ITGA8: variants seen among roughly 807,000 people sequenced by gnomAD.
ITGA8 encodes the protein integrin subunit alpha 8, also known as integrin alpha-8.
Under a neutral mutation model 142.3 loss-of-function variants are expected in ITGA8, and 91 were observed. The observed-to-expected ratio is 0.64, with a 90% CI of 0.54 to 0.76. The LOEUF (loss-of-function observed/expected upper bound fraction) is 0.76. Ranked by LOEUF, ITGA8 falls within the 30% of genes least tolerant of loss-of-function variation. The pLI is 0.00. For synonymous variants in ITGA8, 505 were observed against 485.2 expected, an observed-to-expected ratio of 1.04 and a Z score of -0.54; for missense variants, 1,406 against 1,327.7, an observed-to-expected ratio of 1.06 and a Z score of -0.92.
intron 24 of ITGA8, among the ~76,000 whole-genome samples, chr10:15,573,535 G>A (rs547235882): frequency 1.3e-5 from 2 of 152,020 alleles, no homozygotes; most frequent in Non-Finnish European, 2.9e-5. Context: ...CAAGGCTCCT[G>A]AATCTGGGCC....
At chr10:15,605,249 A>C (rs1215059205) in intron 19 of ITGA8, among the ~76,000 whole-genome samples, 2 of 152,152 alleles carry the variant, frequency 1.3e-5, no homozygotes, top group African/African-American at 2.4e-5. Flanking sequence ...CAATTTTGTG[A>C]CACCTTCTGC....
intron 25 of ITGA8, among the ~76,000 whole-genome samples, chr10:15,565,604 T>C (rs2131576301): frequency 7.1e-6 from 1 of 140,060 alleles, no homozygotes; most frequent in East Asian, 2.1e-4. Context: ...TTTTTTTTTT[T>C]TTTGAGACAG....
At chr10:15,640,053 C>T (rs1228839161) in intron 13 of ITGA8, among the ~76,000 whole-genome samples, 1 of 152,180 alleles carries the variant, frequency 6.6e-6, no homozygotes, top group Non-Finnish European at 1.5e-5. Context: ...TGAGGACCTA[C>T]GTACAGGGCA....
At chr10:15,670,626 A>C (rs1469755676) in intron 8 of ITGA8, among the ~76,000 whole-genome samples, 1 of 152,232 alleles carries the variant, frequency 6.6e-6, no homozygotes, top group Non-Finnish European at 1.5e-5. Context: ...ATGTGATACC[A>C]TTCTTCCTTA....
chr10:15,593,086 G>GA (rs1832953150), intron 21 of ITGA8, among the ~76,000 whole-genome samples: 1 of 152,136 alleles, frequency 6.6e-6, no homozygotes. Flanking sequence ...TCTACAAATC[G>GA]AAAAATTCCT....
chr10:15,601,510 C>G (rs1467163932), intron 20 of ITGA8, among the ~76,000 whole-genome samples: 1 of 152,140 alleles, frequency 6.6e-6, no homozygotes, highest in Non-Finnish European at 1.5e-5. Context: ...GATGGTTGCA[C>G]TACCACGTAA....
intron 13 of ITGA8, among the ~76,000 whole-genome samples, chr10:15,621,660 G>C (rs1833493676): frequency 6.6e-6 from 1 of 152,120 alleles, no homozygotes; most frequent in South Asian, 2.1e-4. Context: ...CCCCTCCTAG[G>C]GAACGGTCAG....
intron 8 of ITGA8, among the ~76,000 whole-genome samples, chr10:15,666,878 A>G (rs1367411228): frequency 1.3e-5 from 2 of 152,200 alleles, no homozygotes; most frequent in African/African-American, 2.4e-5. Flanking sequence ...CCACTTGATC[A>G]TGGTGGATAA....
chr10:15,549,412 T>C (rs1049130392), intron 26 of ITGA8, among the ~76,000 whole-genome samples: 3 of 152,042 alleles, frequency 2.0e-5, no homozygotes, highest in Non-Finnish European at 2.9e-5. Flanking sequence ...GGTTTCACCA[T>C]GTTGGCCAGG....
intron 23 of ITGA8, among the ~76,000 whole-genome samples, chr10:15,582,454 T>G (rs1026083441): frequency 1.3e-5 from 2 of 152,222 alleles, no homozygotes; most frequent in Admixed American, 6.5e-5. Flanking sequence ...CATCAAACTT[T>G]TGCTTCTTGA....
intron 25 of ITGA8, among the ~76,000 whole-genome samples, chr10:15,560,319 G>A (rs1472817353): frequency 6.6e-6 from 1 of 152,138 alleles, no homozygotes; most frequent in African/African-American, 2.4e-5. Flanking sequence ...AATTACAGAT[G>A]TCCTTTTATG....
intron 2 of ITGA8, among the ~76,000 whole-genome samples, chr10:15,688,620 A>C (rs1216820787): frequency 6.6e-6 from 1 of 152,234 alleles, no homozygotes; most frequent in African/African-American, 2.4e-5. Context: ...AGCAACTCAA[A>C]TCCAACAGCA....
chr10:15,688,003 G>C lies in ITGA8; in HGVS notation c.379C>G (p.Pro127Ala), dbSNP rs1017501946. 6.2e-7 allele frequency: 1 copy of C among 1,613,230 alleles called. No individual in the cohort carries two copies. Among genetic ancestry groups the C allele is most frequent in the Non-Finnish European group, 8.5e-7 (1 of 1,179,330 alleles). The part of the protein sequence containing the change: ...RKIRVNGTKE[P>A]IEFKSNQWFG... ...CACTGATTGGATTTGAACTCGATAGGTTCTTTGGTTCCATTAACTCTGATC... is the reference window on the plus strand; with the variant it reads ...CACTGATTGGATTTGAACTCGATAGCTTCTTTGGTTCCATTAACTCTGATC... Residue 127 changes from proline to alanine, a missense_variant, in exon 3 of 30, where the codon CCT becomes GCT. Coordinates refer to ENST00000378076, the MANE Select transcript of ITGA8 (RefSeq NM_003638.3).
chr10:15,702,981 A>G (rs1835193116), intron 2 of ITGA8, among the ~76,000 whole-genome samples: 1 of 152,214 alleles, frequency 6.6e-6, no homozygotes, highest in Admixed American at 6.5e-5. Context: ...CTTGTAGACT[A>G]TTCCTCTAGT....
At chr10:15,533,053 C>T (rs1833344299) in intron 27 of ITGA8, among the ~76,000 whole-genome samples, 1 of 152,046 alleles carries the variant, frequency 6.6e-6, no homozygotes, top group African/African-American at 2.4e-5. Flanking sequence ...CTTTTTCCTT[C>T]CCAGAAAGTA....
chr10:15,647,183 G>T, intron 11 of ITGA8, 132 bp from the exon 12 acceptor site: 3 of 664,802 alleles, frequency 4.5e-6, no homozygotes, highest in Non-Finnish European at 7.8e-6. Flanking sequence ...ACAATCATCA[G>T]ATTGCTTTCG....
chr10:15,604,417 A>G (rs965681707), intron 19 of ITGA8, 62 bp from the exon 20 acceptor site: 12 of 1,367,884 alleles, frequency 8.8e-6, no homozygotes, highest in Non-Finnish European at 2.0e-6. Flanking sequence ...TGAATATTTT[A>G]TTTAAGGATT....
intron 28 of ITGA8, among the ~76,000 whole-genome samples, chr10:15,525,645 C>CAAAAAAAAA (rs374326483): frequency 1.6e-5 from 1 of 63,768 alleles, no homozygotes; most frequent in Non-Finnish European, 2.6e-5. Flanking sequence ...AACTCCATCT[C>CAAAAAAAAA]AAAAAAAAAA....
At chr10:15,588,530 T>C (rs45446897) in intron 22 of ITGA8, among the ~76,000 whole-genome samples, 231 of 152,340 alleles carry the variant, frequency 1.5e-3, no homozygotes, top group Non-Finnish European at 2.5e-3. Context: ...ATTTTACTTA[T>C]TGTAGACTTT....
Sources: gnomAD v4.1 joint callset for allele counts (sites outside exome capture counted in the v4.1 genomes callset) on GRCh38, gnomAD v4.1.1 for gene constraint, MANE v1.5 for transcripts, NCBI Gene and HGNC (gene_info 2026-07-23, HGNC 2026-07-21) for gene names.